The following ARHGAP15 variants were observed in gnomAD, a reference collection of about 807,000 sequenced individuals.
ARHGAP15 encodes the protein rho GTPase-activating protein 15.
ARHGAP15 carries 51 observed loss-of-function variants against 63.7 expected under a neutral mutation model. That is an observed-to-expected ratio of 0.80 (90% CI 0.64 to 1.01). ARHGAP15 has a LOEUF of 1.01. Ranked by LOEUF, ARHGAP15 falls within the 50% of genes least tolerant of loss-of-function variation. The pLI is 0.00. For missense variants in ARHGAP15, 560 were observed against 564.6 expected, an observed-to-expected ratio of 0.99 and a Z score of 0.08; for synonymous variants, 191 against 193.8, an observed-to-expected ratio of 0.99 and a Z score of 0.12.
chr2:143,202,339 T>C, intron 3 of ARHGAP15, 137 bp downstream of exon 3: 1 of 693,782 alleles, frequency 1.4e-6, no homozygotes. Context: ...AGTAGAGGGA[T>C]CTAGCTTGGA....
intron 2 of ARHGAP15, among the ~76,000 whole-genome samples, chr2:143,192,261 A>T (rs1691711908): frequency 6.6e-6 from 1 of 152,218 alleles, no homozygotes; most frequent in African/African-American, 2.4e-5. Flanking sequence ...CTTGGACTGG[A>T]GAATGTTGGC....
chr2:143,260,457 G>A (rs1680663595), intron 6 of ARHGAP15, among the ~76,000 whole-genome samples: 1 of 152,082 alleles, frequency 6.6e-6, no homozygotes, highest in African/African-American at 2.4e-5. Flanking sequence ...ATTGCCCCAG[G>A]AGGAAAGCTG....
intron 6 of ARHGAP15, among the ~76,000 whole-genome samples, chr2:143,389,792 ATAT>A (rs1052467939): frequency 2.2e-4 from 34 of 152,252 alleles, no homozygotes; most frequent in Admixed American, 1.7e-3. Flanking sequence ...AAGTTGTGAA[ATAT>A]TATTTATGTA....
chr2:143,217,128 C>T (rs1381685630), intron 4 of ARHGAP15, among the ~76,000 whole-genome samples: 1 of 152,014 alleles, frequency 6.6e-6, no homozygotes, highest in Non-Finnish European at 1.5e-5. Flanking sequence ...AGAAAATGCT[C>T]AAGTTGAGAG....
chr2:143,321,792 G>A (rs1558891457), intron 6 of ARHGAP15, among the ~76,000 whole-genome samples: 1 of 152,108 alleles, frequency 6.6e-6, no homozygotes, highest in Non-Finnish European at 1.5e-5. Flanking sequence ...AATCTTCTGG[G>A]CTCAAGCCAC....
At chr2:143,379,454 T>A (rs1686960515) in intron 6 of ARHGAP15, among the ~76,000 whole-genome samples, 1 of 150,314 alleles carries the variant, frequency 6.7e-6, no homozygotes, top group African/African-American at 2.4e-5. Context: ...TGACCCACAC[T>A]GACCATTAAC....
chr2:143,630,988 C>T (rs1404012286), intron 12 of ARHGAP15, among the ~76,000 whole-genome samples: 2 of 152,000 alleles, frequency 1.3e-5, no homozygotes, highest in Non-Finnish European at 2.9e-5. Flanking sequence ...CCCTTTCCAC[C>T]TGCTCTGCAC....
chr2:143,290,422 A>G (rs1230462123), intron 6 of ARHGAP15, among the ~76,000 whole-genome samples: 1 of 151,956 alleles, frequency 6.6e-6, no homozygotes, highest in African/African-American at 2.4e-5. Context: ...TGTCCCATCC[A>G]AAAAAAGAAA....
intron 6 of ARHGAP15, among the ~76,000 whole-genome samples, chr2:143,405,564 A>C (rs1038544462): frequency 6.6e-6 from 1 of 151,802 alleles, no homozygotes; most frequent in African/African-American, 2.4e-5. Context: ...CTGTCACTCT[A>C]ATTCTCAGTA....
intron 2 of ARHGAP15, among the ~76,000 whole-genome samples, chr2:143,173,052 G>T (rs1464454416): frequency 3.3e-5 from 5 of 151,946 alleles, no homozygotes; most frequent in African/African-American, 1.2e-4. Flanking sequence ...AAGAAGGGGT[G>T]CCCAAGAAGA....
In ARHGAP15 at chr2:143,723,944, C is replaced by T. The variant is rs150893983; in HGVS notation, c.1244+20420C>T. Among the ~76,000 whole-genome samples the T allele has an allele frequency of 5.5e-3, 839 of 152,222 alleles. 2 individuals carry two copies. Among genetic ancestry groups the T allele is most frequent in the Non-Finnish European group, 8.3e-3 (566 of 68,010 alleles). ...AGAATCTAAAGAACTGGGCTCCAGC[C>T]CCAGCTTCAGTATGAGGTTCCACAG... On this transcript the variant is annotated intron_variant, in intron 13 of 13. Coordinates refer to ENST00000295095, the MANE Select transcript of ARHGAP15 (RefSeq NM_018460.4).
At chr2:143,253,793 T>G (rs1680284431) in intron 6 of ARHGAP15, among the ~76,000 whole-genome samples, 1 of 151,710 alleles carries the variant, frequency 6.6e-6, no homozygotes, top group African/African-American at 2.4e-5. Context: ...ATATATACTC[T>G]ACCTGTGTGT....
intron 6 of ARHGAP15, among the ~76,000 whole-genome samples, chr2:143,360,981 A>T (rs899003760): frequency 1.3e-5 from 2 of 152,188 alleles, no homozygotes; most frequent in Non-Finnish European, 2.9e-5. Flanking sequence ...GTCTCTATGT[A>T]GATCTCTGAA....
At position 143,711,522 on chromosome 2, in the gene ARHGAP15, G is replaced by C. The variant is rs553322674; in HGVS notation, c.1244+7998G>C. On this transcript the variant is annotated intron_variant, in intron 13 of 13. Coordinates refer to ENST00000295095, the MANE Select transcript of ARHGAP15 (RefSeq NM_018460.4). ...AAAGAAATGGTGAGTCCTCTGGAAG[G>C]ATTAGAGAATTAGGAATTATAAAGA... 5.3e-5 allele frequency among the ~76,000 whole-genome samples: 8 copies of C among 152,292 alleles called. No homozygotes were observed. In the South Asian group the frequency reaches 1.7e-3, roughly 32 times the overall value.
At chr2:143,233,281 G>T (rs1033400360) in intron 5 of ARHGAP15, among the ~76,000 whole-genome samples, 2 of 151,584 alleles carry the variant, frequency 1.3e-5, no homozygotes, top group South Asian at 2.1e-4. Flanking sequence ...TGTGCTAAGG[G>T]TCTTGCAGGG....
intron 2 of ARHGAP15, among the ~76,000 whole-genome samples, chr2:143,186,607 G>T (rs952778970): frequency 2.6e-5 from 4 of 151,890 alleles, no homozygotes; most frequent in African/African-American, 9.7e-5. Context: ...TTCCCACTTG[G>T]TCCTATATTT....
intron 12 of ARHGAP15, among the ~76,000 whole-genome samples, chr2:143,695,121 G>A (rs1378291564): frequency 1.3e-5 from 2 of 151,884 alleles, no homozygotes; most frequent in Non-Finnish European, 2.9e-5. Context: ...GATTTCAAAT[G>A]ACTCAAAATA....
At chr2:143,526,372 C>T (rs1694283783) in intron 10 of ARHGAP15, among the ~76,000 whole-genome samples, 1 of 151,460 alleles carries the variant, frequency 6.6e-6, no homozygotes, top group Non-Finnish European at 1.5e-5. Context: ...CAGATACAGC[C>T]TGAGTCTAAT....
intron 5 of ARHGAP15, chr2:143,238,102 A>G (rs891974645): frequency 6.6e-6 from 1 of 152,186 alleles, no homozygotes; most frequent in Non-Finnish European, 1.5e-5. Context: ...CTAGAATGAA[A>G]TCTAGGCAAT....
Sources: gnomAD v4.1 joint callset for allele counts (sites outside exome capture counted in the v4.1 genomes callset) on GRCh38, gnomAD v4.1.1 for gene constraint, MANE v1.5 for transcripts, NCBI Gene and HGNC (gene_info 2026-07-23, HGNC 2026-07-21) for gene names.